VPS13D: variants seen among roughly 807,000 people sequenced by gnomAD.
VPS13D encodes vacuolar protein sorting 13 homolog D.
In VPS13D, 187 loss-of-function variants were observed where a neutral mutation model predicts 461.9. The ratio of observed to expected loss-of-function variants is 0.40; its 90% CI spans 0.36 to 0.46. VPS13D has a LOEUF of 0.46. Ranked by LOEUF, VPS13D falls within the 20% of genes least tolerant of loss-of-function variation. The pLI is 0.60. For synonymous variants in VPS13D, 1,951 were observed against 1,986.3 expected, an observed-to-expected ratio of 0.98 and a Z score of 0.47; for missense variants, 4,711 against 5,364.9, an observed-to-expected ratio of 0.88 and a Z score of 3.81.
At chr1:12,273,554 C>T (rs987813354) in intron 18 of VPS13D, among the ~76,000 whole-genome samples, 1 of 152,164 alleles carries the variant, frequency 6.6e-6, no homozygotes, top group East Asian at 1.9e-4. Context: ...CCATTAAACA[C>T]CAATTCCCCT....
intron 65 of VPS13D, among the ~76,000 whole-genome samples, chr1:12,417,985 C>T (rs147027528): frequency 0.022 from 3,309 of 152,242 alleles, 59 homozygotes; most frequent in African/African-American, 0.038. Flanking sequence ...CTGCTCACTA[C>T]AACCTCTGCC....
intron 58 of VPS13D, among the ~76,000 whole-genome samples, 174 bp downstream of exon 58, chr1:12,383,329 A>G (rs1432496106): frequency 6.6e-6 from 1 of 152,248 alleles, no homozygotes; most frequent in African/African-American, 2.4e-5. Context: ...GAACTAAAGT[A>G]CAACAAAAAG....
intron 55 of VPS13D, among the ~76,000 whole-genome samples, chr1:12,378,134 C>G (rs1644226221): frequency 6.6e-6 from 1 of 151,958 alleles, no homozygotes; most frequent in Non-Finnish European, 1.5e-5. Context: ...CCATTTGTTT[C>G]TAATTTCTAA....
At chr1:12,301,586 A>G (rs937412213) in intron 25 of VPS13D, among the ~76,000 whole-genome samples, 3 of 152,270 alleles carry the variant, frequency 2.0e-5, no homozygotes, top group South Asian at 2.1e-4. Context: ...CACCAACCTG[A>G]TATCTCTCTG....
chr1:12,440,204 C>T (rs1306966377), intron 65 of VPS13D, among the ~76,000 whole-genome samples: 3 of 152,168 alleles, frequency 2.0e-5, no homozygotes, highest in African/African-American at 7.2e-5. Flanking sequence ...GCCATATTTC[C>T]AGTTACATCC....
chr1:12,508,099 A>T (rs1646136820), intron 69 of VPS13D, among the ~76,000 whole-genome samples: 1 of 152,140 alleles, frequency 6.6e-6, no homozygotes, highest in African/African-American at 2.4e-5. Flanking sequence ...CTTAAGTTAG[A>T]GCTGGCTGAT....
chr1:12,403,827 G>A lies in VPS13D; in HGVS notation c.11884G>A (p.Val3962Met). ...TTTTAATTCTTCCTTTGTACCAGAG[G>A]TGGAAAAATATGATGAAAACCTCCA... ...FFGYDQAESE[V>M]EKYDENLHEK... The change falls in exon 63 of 70, where the codon GTG becomes ATG. Residue 3962 changes from valine to methionine, a missense_variant and splice_region_variant. Around this residue, in one of 3 missense-constraint regions of VPS13D, gnomAD observed 4,411 missense variants for 4,937.8 expected, o/e 0.89. Coordinates refer to ENST00000620676, the MANE Select transcript of VPS13D (RefSeq NM_015378.4). 1 of 1,595,560 alleles carries A rather than the reference G, an allele frequency of 6.3e-7. No individual in the cohort carries two copies. The highest frequency in any genetic ancestry group is 8.5e-7 in the Non-Finnish European group (1 of 1,173,534).
chr1:12,256,535 ACT>A, intron 8 of VPS13D, 32 bp downstream of exon 8: 1 of 1,607,466 alleles, frequency 6.2e-7, no homozygotes, highest in Non-Finnish European at 8.5e-7. Flanking sequence ...GCATCTACTT[ACT>A]GTCAAACTGG....
At chr1:12,346,351 C>A (rs910854587) in intron 43 of VPS13D, among the ~76,000 whole-genome samples, 1 of 152,180 alleles carries the variant, frequency 6.6e-6, no homozygotes, top group Non-Finnish European at 1.5e-5. Context: ...AATGACAGGA[C>A]CAGTTCCCTC....
At chr1:12,426,787 C>T (rs994529953) in intron 65 of VPS13D, among the ~76,000 whole-genome samples, 1 of 152,032 alleles carries the variant, frequency 6.6e-6, no homozygotes, top group Non-Finnish European at 1.5e-5. Context: ...GAGGCTGAGG[C>T]GGGTGGATCG....
intron 33 of VPS13D, 87 bp from the exon 34 acceptor site, chr1:12,322,449 G>T: frequency 7.4e-7 from 1 of 1,342,916 alleles, no homozygotes; most frequent in South Asian, 1.3e-5. Flanking sequence ...ACTTTTAGAA[G>T]TTGAAATAGG....
chr1:12,244,138 G>A, intron 3 of VPS13D, 108 bp from the exon 4 acceptor site: 1 of 1,127,390 alleles, frequency 8.9e-7, no homozygotes, highest in Non-Finnish European at 1.2e-6. Context: ...ATAAAAAAAA[G>A]TAGTAACAGC....
At chr1:12,324,947 C>T (rs763475255) in intron 35 of VPS13D, among the ~76,000 whole-genome samples, 21 of 152,222 alleles carry the variant, frequency 1.4e-4, no homozygotes, top group Admixed American at 6.5e-4. Flanking sequence ...TAGTCCCCTA[C>T]GATGGACTTA....
chr1:12,290,812 G>A (rs1220826429), intron 22 of VPS13D, among the ~76,000 whole-genome samples, 186 bp from the exon 23 acceptor site: 1 of 151,356 alleles, frequency 6.6e-6, no homozygotes, highest in Non-Finnish European at 1.5e-5. Flanking sequence ...TTTGCATTGA[G>A]ACTTTGTTTT....
chr1:12,306,235 T>G (rs1372812432), intron 26 of VPS13D, among the ~76,000 whole-genome samples: 1 of 152,172 alleles, frequency 6.6e-6, no homozygotes, highest in Non-Finnish European at 1.5e-5. Flanking sequence ...CCGCCCCGAT[T>G]TCACAGATGA....
At chr1:12,355,747 CT>C in intron 47 of VPS13D, 151 bp from the exon 48 acceptor site, 1 of 745,256 alleles carries the variant, frequency 1.3e-6, no homozygotes, top group Non-Finnish European at 2.0e-6. Context: ...GATCCCTACC[CT>C]AGCTAGAGAG....
chr1:12,418,190 G>A (rs530940770), intron 65 of VPS13D, among the ~76,000 whole-genome samples: 1 of 152,328 alleles, frequency 6.6e-6, no homozygotes, highest in South Asian at 2.1e-4. Flanking sequence ...TTACAGGTGT[G>A]AGCCACTGTA....
chr1:12,417,822 A>G (rs1190574231), intron 65 of VPS13D, among the ~76,000 whole-genome samples: 1 of 152,254 alleles, frequency 6.6e-6, no homozygotes, highest in Non-Finnish European at 1.5e-5. Flanking sequence ...TAGATTGGTC[A>G]GATCAGTTCT....
chr1:12,314,287 A>C lies in VPS13D; in HGVS notation c.7108A>C (p.Ser2370Arg), dbSNP rs754777774. 6.2e-7 allele frequency: 1 copy of C among 1,614,218 alleles called. No homozygotes were observed. The highest frequency in any genetic ancestry group is 1.3e-5 in the African/African-American group (1 of 75,072). ...TATCTTTCAGCCCGCTAAGAACAGC[A>C]GCACCACCCAAGGGTCCATTCAGAT... Reference protein sequence around the residue: ...SCIFQPAKNSSTTQGSIQIEL... With the variant: ...SCIFQPAKNSRTTQGSIQIEL... The change falls in exon 30 of 70, where the codon AGC (serine) becomes CGC (arginine). Residue 2370 changes from serine to arginine, a missense_variant. Physicochemically the swap from Ser to Arg is moderately radical, Grantham distance 110 (BLOSUM62 -1). Transcript: ENST00000620676.
Sources: allele counts gnomAD v4.1 joint callset (sites outside exome capture counted in the v4.1 genomes callset), GRCh38; gene constraint gnomAD v4.1.1; regional missense constraint gnomAD v4.1.1; transcripts MANE v1.5; gene names NCBI Gene and HGNC (gene_info 2026-07-23, HGNC 2026-07-21).